RANBP2: variants seen among roughly 807,000 people sequenced by gnomAD.
RANBP2 encodes the protein RAN binding protein 2.
In RANBP2, 57 loss-of-function variants were observed where a neutral mutation model predicts 303.6. The ratio of observed to expected loss-of-function variants is 0.19; its 90% CI spans 0.15 to 0.23. RANBP2 has a LOEUF of 0.23. RANBP2 is among the 10% of genes least tolerant of loss of function. The pLI is 1.00. For missense variants in RANBP2, 3,138 were observed against 3,780.8 expected (o/e 0.83, Z 4.46); for synonymous variants, 1,167 against 1,301.5 (o/e 0.90, Z 2.23).
At chr2:109,142,612 GT>G in the RANBP2 span, among the ~76,000 whole-genome samples, 2 of 152,164 alleles carry the variant, frequency 1.3e-5, no homozygotes, top group Admixed American at 1.3e-4. Flanking sequence ...GCCTCTCTGG[GT>G]TCTCTGGGGG....
At chr2:109,073,697 A>G in the RANBP2 span, among the ~76,000 whole-genome samples, 4 of 150,254 alleles carry the variant, frequency 2.7e-5, 1 homozygote, top group Non-Finnish European at 5.9e-5. Flanking sequence ...GAGAGAAGAA[A>G]AGAAAAAAGA....
At chr2:109,245,148 C>T in the RANBP2 span, among the ~76,000 whole-genome samples, 1 of 152,188 alleles carries the variant, frequency 6.6e-6, no homozygotes, top group Non-Finnish European at 1.5e-5. Context: ...GGGAAGCTCC[C>T]CTGCTGGAGC....
chr2:109,112,504 T>A, the RANBP2 span, among the ~76,000 whole-genome samples: 2 of 151,726 alleles, frequency 1.3e-5, no homozygotes, highest in African/African-American at 4.9e-5. Flanking sequence ...TGTAAATTTG[T>A]TTGAGTTCAT....
At chr2:108,877,077 C>G in the RANBP2 span, among the ~76,000 whole-genome samples, 1 of 151,882 alleles carries the variant, frequency 6.6e-6, no homozygotes, top group Non-Finnish European at 1.5e-5. Context: ...TGGGCCTCTT[C>G]AAAAAAATAC....
the RANBP2 span, chr2:109,490,566 C>G: frequency 7.2e-7 from 1 of 1,383,054 alleles, no homozygotes; most frequent in Non-Finnish European, 9.4e-7. Flanking sequence ...CATTGGGAAG[C>G]ATTCACCTGT....
At chr2:108,956,763 A>C in the RANBP2 span, among the ~76,000 whole-genome samples, 9 of 150,916 alleles carry the variant, frequency 6.0e-5, no homozygotes, top group Non-Finnish European at 1.2e-4. Context: ...TTTGAAGCTC[A>C]GCAGGAAAGG....
chr2:109,417,363 T>C, the RANBP2 span, among the ~76,000 whole-genome samples: 1 of 152,178 alleles, frequency 6.6e-6, no homozygotes, highest in Non-Finnish European at 1.5e-5. Flanking sequence ...CTGGCATTGT[T>C]GGGGACACCT....
the RANBP2 span, chr2:108,896,721 A>C: frequency 1.6e-6 from 1 of 621,548 alleles, no homozygotes; most frequent in East Asian, 2.8e-5. Context: ...TCCCGGCTCT[A>C]GTCCTTTATC....
chr2:109,542,055 C>T, the RANBP2 span, among the ~76,000 whole-genome samples: 6 of 152,166 alleles, frequency 3.9e-5, no homozygotes, highest in Admixed American at 1.3e-4. Flanking sequence ...CCAGGATTAA[C>T]GGCTGTTAGT....
chr2:109,454,465 G>A, the RANBP2 span, among the ~76,000 whole-genome samples: 158 of 152,294 alleles, frequency 1.0e-3, 1 homozygote, highest in African/African-American at 3.7e-3. Flanking sequence ...TGCCTCCTCG[G>A]GGTTCTGAGC....
At chr2:109,706,732 TTGTC>T in the RANBP2 span, among the ~76,000 whole-genome samples, 2 of 152,232 alleles carry the variant, frequency 1.3e-5, no homozygotes, top group Non-Finnish European at 2.9e-5. Context: ...CAATAAGTAT[TTGTC>T]TGATAAGCGA....
the RANBP2 span, among the ~76,000 whole-genome samples, chr2:109,266,270 GTGT>G: frequency 2.0e-5 from 3 of 151,728 alleles, no homozygotes; most frequent in East Asian, 5.8e-4. Flanking sequence ...GTGCGTGCAT[GTGT>G]TATTTGCATG....
At chr2:109,356,647 G>A in the RANBP2 span, among the ~76,000 whole-genome samples, 1 of 152,160 alleles carries the variant, frequency 6.6e-6, no homozygotes, top group Non-Finnish European at 1.5e-5. Context: ...TATTGGTGAC[G>A]TGATGAGGAG....
chr2:109,449,593 T>G, the RANBP2 span: 1 of 1,404,624 alleles, frequency 7.1e-7, no homozygotes, highest in Non-Finnish European at 9.6e-7. Context: ...AGCTAGAATG[T>G]GGGCTCCAAG....
At chr2:108,791,570 T>C in the RANBP2 span, 3 of 1,345,580 alleles carry the variant, frequency 2.2e-6, no homozygotes, top group East Asian at 7.1e-5. Context: ...AAAATGTTTT[T>C]ACATTTTTTC....
At chr2:109,224,489 C>T in the RANBP2 span, among the ~76,000 whole-genome samples, 1 of 152,146 alleles carries the variant, frequency 6.6e-6, no homozygotes, top group Non-Finnish European at 1.5e-5. Context: ...CTGCTCTGTT[C>T]AGTACAGTAG....
the RANBP2 span, among the ~76,000 whole-genome samples, chr2:109,419,099 G>A: frequency 3.3e-5 from 5 of 152,238 alleles, no homozygotes; most frequent in African/African-American, 1.2e-4. Flanking sequence ...TCTGTCTGCT[G>A]TCATGGGACC....
At chr2:108,852,700 A>T in the RANBP2 span, among the ~76,000 whole-genome samples, 3 of 152,184 alleles carry the variant, frequency 2.0e-5, no homozygotes, top group Admixed American at 1.3e-4. Context: ...GAGCTAAATG[A>T]TGAGAACACA....
At chr2:109,336,099 G>C in the RANBP2 span, among the ~76,000 whole-genome samples, 3 of 152,136 alleles carry the variant, frequency 2.0e-5, no homozygotes, top group Admixed American at 6.5e-5. Flanking sequence ...GGCCTAGTAA[G>C]CTCTTTAATA....
Sources: gnomAD v4.1 joint callset for allele counts (sites outside exome capture counted in the v4.1 genomes callset) on GRCh38, gnomAD v4.1.1 for gene constraint, MANE v1.5 for transcripts, NCBI Gene and HGNC (gene_info 2026-07-23, HGNC 2026-07-21) for gene names.